RAB2A: variants seen among roughly 807,000 people sequenced by gnomAD.
RAB2A encodes the protein ras-related protein Rab-2A.
In RAB2A, 7 loss-of-function variants were observed where a neutral mutation model predicts 32.5. That is an observed-to-expected ratio of 0.22 (90% confidence interval 0.12 to 0.40). The LOEUF (loss-of-function observed/expected upper bound fraction) is 0.40, where lower values mean the gene tolerates loss of function less well. Among genes scored for constraint, RAB2A ranks in the 10% least tolerant of loss-of-function variants. The pLI, the probability that RAB2A is intolerant of heterozygous loss-of-function variation, is 1.00. For synonymous variants in RAB2A, 79 were observed against 85.2 expected (o/e 0.93, Z 0.40); for missense variants, 108 against 260.7 (o/e 0.41, Z 4.03).
chr8:60,582,974 G>T (rs1204835806), intron 3 of RAB2A, among the ~76,000 whole-genome samples: 2 of 151,274 alleles, frequency 1.3e-5, no homozygotes, highest in Non-Finnish European at 2.9e-5. Context: ...CACTCAACAG[G>T]CTTTCTCTGA....
chr8:60,555,590 C>G (rs527238961), intron 1 of RAB2A, among the ~76,000 whole-genome samples: 3 of 152,018 alleles, frequency 2.0e-5, no homozygotes, highest in Non-Finnish European at 4.4e-5. Flanking sequence ...AAATGGCCAT[C>G]AAGTATATGA....
chr8:60,574,527 T>C (rs948179889), intron 3 of RAB2A, among the ~76,000 whole-genome samples: 1 of 152,250 alleles, frequency 6.6e-6, no homozygotes, highest in Non-Finnish European at 1.5e-5. Flanking sequence ...AATTATGTGA[T>C]ATTTTAGGCA....
At position 60,623,134 on chromosome 8, in the gene RAB2A, T is replaced by G. The variant is rs1017352878; in HGVS notation, c.*2365T>G. ...AAAATTGTGATCTTCATAAAGACAT[T>G]GTTACCATTCGTCTTGCAAATTTAA... On this transcript the variant is annotated 3_prime_UTR_variant, in exon 8 of 8. Transcript: ENST00000262646. 3 of 152,230 alleles carry G rather than the reference T, an allele frequency of 2.0e-5. No individual in the cohort carries two copies. The highest frequency in any genetic ancestry group is 7.2e-5 in the African/African-American group (3 of 41,462). 9.4% of individuals were successfully genotyped at this position (152,230 alleles called of 1,614,324 possible).
chr8:60,614,534 G>T (rs532678319), intron 6 of RAB2A, among the ~76,000 whole-genome samples: 89 of 152,252 alleles, frequency 5.8e-4, no homozygotes, highest in African/African-American at 2.1e-3. Flanking sequence ...GATTACAGGT[G>T]CGAGCCTGGC....
At chr8:60,527,222 A>G (rs1807406683) in intron 1 of RAB2A, among the ~76,000 whole-genome samples, 1 of 152,192 alleles carries the variant, frequency 6.6e-6, no homozygotes, top group Non-Finnish European at 1.5e-5. Context: ...CACTGAGAAC[A>G]GCAAGGGGAG....
At chr8:60,617,089 A>G (rs1179978976) in intron 6 of RAB2A, among the ~76,000 whole-genome samples, 1 of 152,172 alleles carries the variant, frequency 6.6e-6, no homozygotes, top group Non-Finnish European at 1.5e-5. Context: ...AGAGGACTTT[A>G]TTGATTGGTA....
chr8:60,595,546 A>G (rs750873129), intron 6 of RAB2A, among the ~76,000 whole-genome samples: 1 of 152,230 alleles, frequency 6.6e-6, no homozygotes, highest in African/African-American at 2.4e-5. Flanking sequence ...AAATAAAATG[A>G]TAGGAAAAGT....
intron 1 of RAB2A, among the ~76,000 whole-genome samples, chr8:60,518,688 C>G (rs1269231078): frequency 7.1e-6 from 1 of 140,458 alleles, no homozygotes; most frequent in Non-Finnish European, 1.5e-5. Flanking sequence ...GCAAGGTTTT[C>G]TGATGCGTGC....
chr8:60,519,289 C>G (rs1231654364), intron 1 of RAB2A, among the ~76,000 whole-genome samples: 1 of 152,188 alleles, frequency 6.6e-6, no homozygotes, highest in Non-Finnish European at 1.5e-5. Flanking sequence ...TCAGTGAACT[C>G]TATATTTTAG....
intron 7 of RAB2A, 115 bp from the exon 8 acceptor site, chr8:60,620,559 T>C: frequency 1.3e-6 from 1 of 746,992 alleles, no homozygotes; most frequent in Non-Finnish European, 2.3e-6. Flanking sequence ...CTACTTGCTG[T>C]ATTTTTCTCA....
intron 2 of RAB2A, among the ~76,000 whole-genome samples, chr8:60,562,267 C>A (rs1289014212): frequency 6.6e-6 from 1 of 152,168 alleles, no homozygotes; most frequent in Non-Finnish European, 1.5e-5. Flanking sequence ...ATATAATGCT[C>A]CACACCAATA....
chr8:60,567,886 CAA>C (rs1184226201), intron 2 of RAB2A, among the ~76,000 whole-genome samples: 4 of 152,018 alleles, frequency 2.6e-5, no homozygotes, highest in Admixed American at 6.5e-5. Context: ...AATTTTTGAC[CAA>C]AGTCTCTAGA....
intron 6 of RAB2A, among the ~76,000 whole-genome samples, chr8:60,605,832 C>CATTATATATATATATATATATATAT (rs1804219938): frequency 5.0e-5 from 6 of 120,806 alleles, no homozygotes; most frequent in African/African-American, 2.3e-4. Context: ...GGGACTAATA[C>CATTATATATATATATATATATATAT]ATATATACAT....
chr8:60,581,759 A>G (rs1276323806), intron 3 of RAB2A, among the ~76,000 whole-genome samples: 1 of 152,170 alleles, frequency 6.6e-6, no homozygotes, highest in Non-Finnish European at 1.5e-5. Flanking sequence ...TAACCCCAGC[A>G]CTTTTACGAG....
At chr8:60,591,404 T>C (rs996617534) in intron 5 of RAB2A, among the ~76,000 whole-genome samples, 1 of 150,720 alleles carries the variant, frequency 6.6e-6, no homozygotes, top group Admixed American at 6.6e-5. Flanking sequence ...GTAATGTATC[T>C]TTAGTACTTT....
intron 1 of RAB2A, among the ~76,000 whole-genome samples, chr8:60,531,499 C>T (rs1236903245): frequency 6.6e-6 from 1 of 152,172 alleles, no homozygotes; most frequent in Non-Finnish European, 1.5e-5. Context: ...TTGTAAGCTG[C>T]AAAGTGCTTT....
chr8:60,528,052 C>G (rs1473755139), intron 1 of RAB2A, among the ~76,000 whole-genome samples: 3 of 152,144 alleles, frequency 2.0e-5, no homozygotes, highest in Non-Finnish European at 4.4e-5. Flanking sequence ...TATTACAGTT[C>G]CTGATTCCCA....
intron 3 of RAB2A, among the ~76,000 whole-genome samples, chr8:60,575,213 G>A (rs1050334127): frequency 1.4e-4 from 21 of 149,734 alleles, no homozygotes; most frequent in African/African-American, 3.7e-4. Context: ...ATCCTCCCAC[G>A]TCAGCCTCTT....
chr8:60,538,658 T>G (rs1807593344), intron 1 of RAB2A, among the ~76,000 whole-genome samples: 1 of 152,174 alleles, frequency 6.6e-6, no homozygotes, highest in East Asian at 1.9e-4. Context: ...CTGCCCTCTT[T>G]GTGCTCAGCT....
Sources: allele counts gnomAD v4.1 joint callset (sites outside exome capture counted in the v4.1 genomes callset), GRCh38; gene constraint gnomAD v4.1.1; transcripts MANE v1.5; gene names NCBI Gene and HGNC (gene_info 2026-07-23, HGNC 2026-07-21).